The following USH2A variants were observed in gnomAD, a reference collection of about 807,000 sequenced individuals.
USH2A encodes the protein usherin.
In USH2A, 443 loss-of-function variants were observed where a neutral mutation model predicts 538.9. That is an observed-to-expected ratio of 0.82 (90% CI 0.76 to 0.89). USH2A has a LOEUF of 0.89. USH2A is among the 40% of genes least tolerant of loss of function. The probability of loss-of-function intolerance (pLI) is 0.00; values close to 1 mark genes in which losing one functional copy is unlikely to be tolerated. For missense variants in USH2A, 6,633 were observed against 6,324.8 expected (o/e 1.05, Z -1.65); for synonymous variants, 2,413 against 2,273.5 (o/e 1.06, Z -1.75).
chr1:215,730,582 G>A (rs1365277853), intron 60 of USH2A, among the ~76,000 whole-genome samples: 1 of 152,286 alleles, frequency 6.6e-6, no homozygotes, highest in Middle Eastern at 3.4e-3. Flanking sequence ...AGATTAACCA[G>A]CTCCATCAAA....
chr1:216,097,589 T>A (rs1571958529), intron 21 of USH2A, among the ~76,000 whole-genome samples: 1 of 151,992 alleles, frequency 6.6e-6, no homozygotes, highest in East Asian at 1.9e-4. Flanking sequence ...ACACAGAGGG[T>A]CTTGCTTAAA....
intron 30 of USH2A, among the ~76,000 whole-genome samples, chr1:216,062,377 A>G (rs541552516): frequency 6.6e-6 from 1 of 152,328 alleles, no homozygotes; most frequent in South Asian, 2.1e-4. Flanking sequence ...AGACTGAACT[A>G]GAAGAATTAA....
At chr1:215,735,675 T>C (rs1660135289) in intron 60 of USH2A, among the ~76,000 whole-genome samples, 1 of 152,116 alleles carries the variant, frequency 6.6e-6, no homozygotes, top group African/African-American at 2.4e-5. Context: ...ATTTTGGTGT[T>C]TAACATTCCA....
At chr1:216,280,423 C>A (rs2036752063) in intron 11 of USH2A, among the ~76,000 whole-genome samples, 1 of 151,800 alleles carries the variant, frequency 6.6e-6, no homozygotes, top group Admixed American at 6.6e-5. Flanking sequence ...GAAAAATACA[C>A]AGACTTACAG....
At chr1:216,053,415 G>C (rs892933316) in intron 30 of USH2A, among the ~76,000 whole-genome samples, 2 of 150,076 alleles carry the variant, frequency 1.3e-5, no homozygotes, top group Admixed American at 1.3e-4. Context: ...AATTGGTTTG[G>C]TTGTGAATCT....
At chr1:216,340,900 C>A (rs1356671734) in intron 4 of USH2A, among the ~76,000 whole-genome samples, 1 of 152,040 alleles carries the variant, frequency 6.6e-6, no homozygotes, top group Non-Finnish European at 1.5e-5. Flanking sequence ...ACTGAATGGG[C>A]AAAAGCTGGA....
chr1:215,640,800 T>TA (rs371387260), intron 67 of USH2A, 66 bp from the exon 68 acceptor site: 47,413 of 1,019,402 alleles, frequency 0.047, no homozygotes, highest in South Asian at 0.064. Flanking sequence ...GTGTGCACTT[T>TA]AAAAAAAAAA....
At chr1:215,791,640 G>C (rs1395063181) in intron 50 of USH2A, among the ~76,000 whole-genome samples, 1 of 152,186 alleles carries the variant, frequency 6.6e-6, no homozygotes, top group Non-Finnish European at 1.5e-5. Context: ...ACTCTTCGAA[G>C]TAATTGGTTT....
intron 69 of USH2A, among the ~76,000 whole-genome samples, chr1:215,636,121 A>G (rs1656475393): frequency 6.6e-6 from 1 of 152,162 alleles, no homozygotes; most frequent in Admixed American, 6.5e-5. Context: ...ACCCACAGCC[A>G]GGTCAGAAGA....
chr1:215,631,785 T>C (rs1656291290), intron 70 of USH2A, among the ~76,000 whole-genome samples: 2 of 152,274 alleles, frequency 1.3e-5, no homozygotes, highest in South Asian at 4.1e-4. Flanking sequence ...AAAGAATCAG[T>C]TGGGTGCCAC....
At chr1:216,297,511 C>CG (rs2037130978) in intron 9 of USH2A, among the ~76,000 whole-genome samples, 2 of 151,992 alleles carry the variant, frequency 1.3e-5, no homozygotes, top group Admixed American at 1.3e-4. Context: ...GAAGTTATTA[C>CG]ATGCTCAAAC....
chr1:216,180,017 T>C (rs1441668085), intron 20 of USH2A, among the ~76,000 whole-genome samples: 2 of 152,070 alleles, frequency 1.3e-5, no homozygotes, highest in East Asian at 3.9e-4. Flanking sequence ...TGAGGATACA[T>C]TTTCAGTGAC....
At chr1:215,840,828 C>A (rs916614591) in intron 46 of USH2A, among the ~76,000 whole-genome samples, 1 of 152,148 alleles carries the variant, frequency 6.6e-6, no homozygotes, top group Non-Finnish European at 1.5e-5. Context: ...TCCTCCATCA[C>A]CTTCCTGTGT....
chr1:216,130,467 G>T (rs2033350365), intron 21 of USH2A, among the ~76,000 whole-genome samples: 1 of 149,356 alleles, frequency 6.7e-6, no homozygotes, highest in Admixed American at 6.8e-5. Context: ...ATCTCATCCA[G>T]GTCACTGTGA....
At chr1:215,795,779 C>A (rs1662109317) in intron 50 of USH2A, among the ~76,000 whole-genome samples, 1 of 152,212 alleles carries the variant, frequency 6.6e-6, no homozygotes, top group Non-Finnish European at 1.5e-5. Context: ...CCATAATTTT[C>A]TAGTAGACGT....
chr1:215,984,062 G>A (rs1302779718), intron 35 of USH2A, among the ~76,000 whole-genome samples: 5 of 152,158 alleles, frequency 3.3e-5, no homozygotes, highest in South Asian at 2.1e-4. Flanking sequence ...ATCTTTTGCC[G>A]TTGCTGCCCA....
Position 215,713,034 on chromosome 1 carries a change from C to T in USH2A, c.12066+14996G>A, listed in dbSNP as rs944363625. On this transcript the variant is annotated intron_variant, in intron 61 of 71. Coordinates refer to ENST00000307340, the MANE Select transcript of USH2A (RefSeq NM_206933.4). ...GTTGGCCAGGCTGATCTCAAACTCC[C>T]GACCTCAGGTGATCTGCCCACCTCG... Among the ~76,000 whole-genome samples, 14 of 152,164 alleles carry T rather than the reference C, an allele frequency of 9.2e-5. No homozygotes were observed. In the East Asian group the frequency reaches 1.5e-3, roughly 17 times the overall value.
chr1:215,940,790 T>C (rs1182120543), intron 37 of USH2A, among the ~76,000 whole-genome samples: 1 of 152,180 alleles, frequency 6.6e-6, no homozygotes, highest in Admixed American at 6.6e-5. Flanking sequence ...GTCAAAGCTG[T>C]ACTTCTTTGA....
chr1:216,382,991 A>C (rs2102735875), intron 3 of USH2A, among the ~76,000 whole-genome samples: 1 of 152,322 alleles, frequency 6.6e-6, no homozygotes, highest in Non-Finnish European at 1.5e-5. Context: ...TATTCAGCTA[A>C]GAAAAGCTTA....
Sources: allele counts gnomAD v4.1 joint callset (sites outside exome capture counted in the v4.1 genomes callset), GRCh38; gene constraint gnomAD v4.1.1; transcripts MANE v1.5; gene names NCBI Gene and HGNC (gene_info 2026-07-23, HGNC 2026-07-21).